The following CWC22 variants were observed in gnomAD, a reference collection of about 807,000 sequenced individuals.
CWC22 encodes the protein pre-mRNA-splicing factor CWC22 homolog.
A neutral mutation model predicts 117.2 loss-of-function variants in CWC22; 53 were observed. The ratio of observed to expected loss-of-function variants is 0.45; its 90% CI spans 0.36 to 0.57. The LOEUF is 0.57. CWC22 is among the 20% of genes least tolerant of loss of function. The pLI, the probability that CWC22 is intolerant of heterozygous loss-of-function variation, is 0.00. For missense variants in CWC22, 980 were observed against 1,068.8 expected, an observed-to-expected ratio of 0.92 and a Z score of 1.16; for synonymous variants, 360 against 355.6, an observed-to-expected ratio of 1.01 and a Z score of -0.14.
At position 179,945,566 on chromosome 2, in the gene CWC22, A is replaced by G. The variant is rs1266239447; in HGVS notation, c.2290T>C (p.Ser764Pro). The change falls in exon 20 of 20, where the codon TCA becomes CCA. Residue 764 changes from serine to proline, a missense_variant. By Grantham distance (74) the Ser-to-Pro change is moderately conservative. Transcript: ENST00000410053. ...QETRTERERR[S>P]EKHRDQNSSG... ...GAATTTTGATCTCTGTGTTTTTCTG[A>G]CCTTCTTTCTCTCTCAGTCCTTGTT... 1.2e-6 allele frequency: 2 copies of G among 1,612,674 alleles called. No homozygotes were observed. Among genetic ancestry groups the G allele is most frequent in the Non-Finnish European group, 1.7e-6 (2 of 1,179,302 alleles).
At chr2:179,980,100 T>A (rs1333942553) in intron 5 of CWC22, among the ~76,000 whole-genome samples, 1 of 152,180 alleles carries the variant, frequency 6.6e-6, no homozygotes, top group Non-Finnish European at 1.5e-5. Context: ...ACTGACAAAG[T>A]TTCTAGTCTT....
chr2:179,984,014 A>C (rs1687352681), intron 4 of CWC22, among the ~76,000 whole-genome samples: 1 of 152,096 alleles, frequency 6.6e-6, no homozygotes, highest in African/African-American at 2.4e-5. Flanking sequence ...AAATAGAAAC[A>C]TTTTTGGACT....
chr2:179,958,268 T>A (rs1288990864), intron 14 of CWC22, among the ~76,000 whole-genome samples: 1 of 147,390 alleles, frequency 6.8e-6, no homozygotes, highest in Non-Finnish European at 1.5e-5. Context: ...GAGGCAGAGG[T>A]TGCAGTGAGC....
At chr2:179,963,910 T>C (rs1049622666) in intron 13 of CWC22, among the ~76,000 whole-genome samples, 1 of 152,216 alleles carries the variant, frequency 6.6e-6, no homozygotes, top group African/African-American at 2.4e-5. Flanking sequence ...ATTAAATCAA[T>C]AGGTTGATTC....
At chr2:179,986,847 C>T (rs2105547465) in intron 3 of CWC22, 42 bp from the exon 4 acceptor site, 1 of 1,097,386 alleles carries the variant, frequency 9.1e-7, no homozygotes, top group Non-Finnish European at 1.3e-6. Flanking sequence ...TTAAAAACAA[C>T]TATGTTATAA....
intron 1 of CWC22, 102 bp downstream of exon 1, chr2:180,006,765 A>G (rs549639239): frequency 6.6e-6 from 1 of 152,454 alleles, no homozygotes; most frequent in South Asian, 2.1e-4. Context: ...ACAACACAGC[A>G]CCAGCGTTGG....
intron 11 of CWC22, among the ~76,000 whole-genome samples, chr2:179,969,594 G>T (rs1004006053): frequency 6.6e-6 from 1 of 152,128 alleles, no homozygotes; most frequent in African/African-American, 2.4e-5. Flanking sequence ...ATTACATTTT[G>T]CCCAATGGTG....
chr2:179,947,417 C>A (rs1686338063), intron 19 of CWC22, among the ~76,000 whole-genome samples: 1 of 152,208 alleles, frequency 6.6e-6, no homozygotes, highest in Non-Finnish European at 1.5e-5. Flanking sequence ...GAGGCAATCT[C>A]TTCTCCGTTT....
chr2:179,956,342 T>C (rs975662909), intron 14 of CWC22, among the ~76,000 whole-genome samples: 3 of 151,350 alleles, frequency 2.0e-5, no homozygotes, highest in Non-Finnish European at 4.4e-5. Context: ...AAATTATACA[T>C]AAAATTAAAA....
chr2:179,983,705 A>G (rs1687342710), intron 4 of CWC22, among the ~76,000 whole-genome samples: 1 of 152,142 alleles, frequency 6.6e-6, no homozygotes, highest in African/African-American at 2.4e-5. Flanking sequence ...TAGGGAGGAT[A>G]GACAATCTGT....
rs1553560944 is a variant in CWC22, at chr2:179,981,897, C to T, written c.307G>A (p.Val103Ile). The T allele has an allele frequency of 1.2e-6, 2 of 1,604,570 alleles. No individual in the cohort carries two copies. The highest frequency in any genetic ancestry group is 1.3e-5 in the African/African-American group (1 of 74,770). The change falls in exon 5 of 20, where the codon GTA becomes ATA. Residue 103 changes from valine to isoleucine, a missense_variant. Val to Ile is a conservative substitution (Grantham distance 29, BLOSUM62 3). Coordinates refer to ENST00000410053, the MANE Select transcript of CWC22 (RefSeq NM_020943.3). ...SPGRRNPETSVTQSSSAQDEP... is the reference protein window; with the variant it reads ...SPGRRNPETSITQSSSAQDEP... ...TCCTGAGCAGAGGAACTCTGAGTTA[C>T]TGATGTTTCTGGGTTTCTCCTCCCA...
At chr2:179,961,084 A>C (rs1365012390) in intron 13 of CWC22, among the ~76,000 whole-genome samples, 1 of 152,052 alleles carries the variant, frequency 6.6e-6, no homozygotes, top group Non-Finnish European at 1.5e-5. Context: ...GGGCATCTAC[A>C]TTTTATAAAT....
At chr2:179,973,494 A>G in intron 7 of CWC22, 140 bp downstream of exon 7, 1 of 673,920 alleles carries the variant, frequency 1.5e-6, no homozygotes, top group Non-Finnish European at 2.5e-6. Context: ...TAACAGATCA[A>G]AGAAGTTCTC....
intron 14 of CWC22, among the ~76,000 whole-genome samples, chr2:179,955,948 A>G (rs758812608): frequency 1.2e-4 from 18 of 152,056 alleles, no homozygotes; most frequent in Non-Finnish European, 2.4e-4. Context: ...TCTTTTCTAT[A>G]AAGATTTACC....
Position 179,949,586 on chromosome 2 carries a change from T to C in CWC22, c.2140+926A>G, listed in dbSNP as rs144120418. On this transcript the variant is annotated intron_variant, in intron 19 of 19. Transcript: ENST00000410053. ...TATACATGGCCGGTGGGAGTGTAAA[T>C]AGGAATAACCACTTGGAAAACTGAC... Among the ~76,000 whole-genome samples, 332 of 152,198 alleles carry C rather than the reference T, an allele frequency of 2.2e-3. 2 individuals carry two copies. The highest frequency in any genetic ancestry group is 3.6e-3 in the Non-Finnish European group (248 of 68,000).
intron 5 of CWC22, among the ~76,000 whole-genome samples, chr2:179,978,551 A>C (rs1219938465): frequency 3.3e-5 from 5 of 152,128 alleles, no homozygotes; most frequent in African/African-American, 7.2e-5. Context: ...TAATACAATA[A>C]GATTATGTAA....
intron 1 of CWC22, among the ~76,000 whole-genome samples, chr2:179,995,539 ACTGGG>A (rs1323472449): frequency 6.6e-6 from 1 of 152,218 alleles, no homozygotes; most frequent in Non-Finnish European, 1.5e-5. Context: ...TCCCAGGGCC[ACTGGG>A]TAGTTTATGT....
intron 2 of CWC22, among the ~76,000 whole-genome samples, chr2:179,989,554 G>C (rs984810998): frequency 6.6e-6 from 1 of 151,996 alleles, no homozygotes; most frequent in African/African-American, 2.4e-5. Flanking sequence ...CTAGGGACTC[G>C]AACAACATTA....
At chr2:179,950,129 G>A (rs769847203) in intron 19 of CWC22, among the ~76,000 whole-genome samples, 17 of 152,124 alleles carry the variant, frequency 1.1e-4, no homozygotes, top group Non-Finnish European at 2.2e-4. Flanking sequence ...CACAATGAAT[G>A]TATGATATAT....
Sources: gnomAD v4.1 joint callset for allele counts (sites outside exome capture counted in the v4.1 genomes callset) on GRCh38, gnomAD v4.1.1 for gene constraint, MANE v1.5 for transcripts, NCBI Gene and HGNC (gene_info 2026-07-23, HGNC 2026-07-21) for gene names.